SPG21: variants seen among roughly 807,000 people sequenced by gnomAD.
SPG21 encodes maspardin.
In SPG21, 26 loss-of-function variants were observed where a neutral mutation model predicts 38.9. That is an observed-to-expected ratio of 0.67 (90% CI 0.49 to 0.93). The LOEUF (loss-of-function observed/expected upper bound fraction) is 0.93, where lower values mean the gene tolerates loss of function less well. SPG21 is among the 40% of genes least tolerant of loss of function. The probability of loss-of-function intolerance (pLI) is 0.00; values close to 1 mark genes in which losing one functional copy is unlikely to be tolerated. For synonymous variants in SPG21, 136 were observed against 128.9 expected, an observed-to-expected ratio of 1.05 and a Z score of -0.37; for missense variants, 333 against 376.5, an observed-to-expected ratio of 0.88 and a Z score of 0.96.
chr15:64,968,935 TCTCA>T, intron 7 of SPG21, among the ~76,000 whole-genome samples: 1 of 152,120 alleles, frequency 6.6e-6, no homozygotes, highest in Non-Finnish European at 1.5e-5. Context: ...ACAGACAGGG[TCTCA>T]CTATGTTGCC....
At position 64,965,462 on chromosome 15, in the gene SPG21, T is replaced by C; in HGVS notation, c.670-2A>G. ...TGAAAGCGCACTCTGATCAAACACC[T>C]TTAAAAAACACAAAGCTTCAGCACC... On this transcript the variant is annotated splice_acceptor_variant, in intron 7 of 8. Coordinates refer to ENST00000204566, the MANE Select transcript of SPG21 (RefSeq NM_016630.7). LOFTEE classifies it high-confidence loss of function. The C allele has an allele frequency of 6.2e-7, 1 of 1,614,164 alleles. No homozygotes were observed. Among genetic ancestry groups the C allele is most frequent in the Non-Finnish European group, 8.5e-7 (1 of 1,180,018 alleles).
intron 7 of SPG21, among the ~76,000 whole-genome samples, chr15:64,966,028 T>C (rs564532976): frequency 1.3e-5 from 2 of 152,116 alleles, no homozygotes; most frequent in East Asian, 1.9e-4. Context: ...CTACCATGAA[T>C]TTCCTTTTTC....
chr15:64,981,706 GAC>G (rs1429978799), intron 2 of SPG21: 3 of 151,524 alleles, frequency 2.0e-5, no homozygotes, highest in African/African-American at 7.3e-5. Flanking sequence ...GCTGAGGTAA[GAC>G]AAGTGCTCAG....
At chr15:64,983,266 AT>A (rs2085918499) in intron 2 of SPG21, 1 of 191,454 alleles carries the variant, frequency 5.2e-6, no homozygotes, top group Admixed American at 5.9e-5. Context: ...CATCTCAAAA[AT>A]AAATATAAAT....
chr15:64,979,469 A>G (rs924177775), intron 3 of SPG21, among the ~76,000 whole-genome samples: 3 of 152,220 alleles, frequency 2.0e-5, no homozygotes, highest in African/African-American at 7.2e-5. Flanking sequence ...CAGAGGCTCA[A>G]ACATGTCACG....
chr15:64,967,372 C>T (rs1364635125), intron 7 of SPG21, among the ~76,000 whole-genome samples: 3 of 152,024 alleles, frequency 2.0e-5, no homozygotes, highest in Admixed American at 2.0e-4. Context: ...AACGCAGTGG[C>T]ATGATCATGG....
chr15:64,982,096 G>A (rs762838140), intron 2 of SPG21, among the ~76,000 whole-genome samples: 1 of 142,396 alleles, frequency 7.0e-6, no homozygotes, highest in African/African-American at 2.6e-5. Context: ...TCACGCTCAT[G>A]TTTTTGTCCT....
chr15:64,966,274 T>TA (rs1349022153), intron 7 of SPG21, among the ~76,000 whole-genome samples: 1 of 152,164 alleles, frequency 6.6e-6, no homozygotes, highest in African/African-American at 2.4e-5. Context: ...CATCCTTCAA[T>TA]ACCCATACAC....
intron 1 of SPG21, among the ~76,000 whole-genome samples, chr15:64,984,722 G>A (rs531823625): frequency 1.3e-5 from 2 of 151,046 alleles, no homozygotes; most frequent in South Asian, 4.2e-4. Flanking sequence ...AACTGTAATA[G>A]CACATAACCA....
chr15:64,981,162 T>C, intron 2 of SPG21, 137 bp from the exon 3 acceptor site: 1 of 989,602 alleles, frequency 1.0e-6, no homozygotes, highest in East Asian at 2.6e-5. Context: ...CACACCAGAT[T>C]AGCATGCATG....
intron 2 of SPG21, 182 bp from the exon 3 acceptor site, chr15:64,981,207 G>A: frequency 1.5e-6 from 1 of 660,576 alleles, no homozygotes; most frequent in Non-Finnish European, 2.6e-6. Context: ...TTTCCTCAGG[G>A]CTAACGTATT....
intron 5 of SPG21, among the ~76,000 whole-genome samples, chr15:64,970,560 A>G (rs2085642182): frequency 6.6e-6 from 1 of 152,142 alleles, no homozygotes; most frequent in Non-Finnish European, 1.5e-5. Context: ...GGAAAACTGA[A>G]TATTAAGAGA....
chr15:64,965,225 G>C (rs2085518499), intron 8 of SPG21, 95 bp downstream of exon 8: 14 of 1,507,270 alleles, frequency 9.3e-6, no homozygotes, highest in Admixed American at 5.2e-5. Flanking sequence ...GAATTCTGTA[G>C]TTCACTGATT....
chr15:64,970,869 A>G (rs1377316945), intron 5 of SPG21, among the ~76,000 whole-genome samples: 1 of 152,016 alleles, frequency 6.6e-6, no homozygotes, highest in Non-Finnish European at 1.5e-5. Context: ...CCTTTCGAGT[A>G]GCTGCGACTA....
rs199962191 is a variant in SPG21, at chr15:64,963,602, T to C, written c.*18A>G. 4.4e-6 allele frequency: 7 copies of C among 1,601,358 alleles called. No individual in the cohort carries two copies. The highest frequency in any genetic ancestry group is 1.3e-5 in the African/African-American group (1 of 74,690). ...AAGAACACACCGGGTCAACTCATCATTGACAGCGAGAGACACACTACTGCT... is the reference window on the plus strand; with the variant it reads ...AAGAACACACCGGGTCAACTCATCACTGACAGCGAGAGACACACTACTGCT... On this transcript the variant is annotated 3_prime_UTR_variant, in exon 9 of 9. Coordinates refer to ENST00000204566, the MANE Select transcript of SPG21 (RefSeq NM_016630.7).
rs770741924 is a variant in SPG21 at position 64,974,641 on chromosome 15, C to T, written c.413G>A (p.Ser138Asn). Residue 138 changes from serine (S) to asparagine (N), a missense_variant, in exon 5 of 9, where the codon AGT becomes AAT. Transcript: ENST00000204566. Reference protein sequence around the residue: ...VHSLILCNSFSDTSIFNQTWT... With the variant: ...VHSLILCNSFNDTSIFNQTWT... ...AGTTTGGTTGAAGATAGAGGTGTCA[C>T]TGAAGGAATTGCAGAGGATTAGGGA... The T allele has an allele frequency of 1.2e-6, 2 of 1,613,994 alleles. No homozygotes were observed.
chr15:64,977,095 C>T (rs2085792130), intron 3 of SPG21, among the ~76,000 whole-genome samples: 1 of 152,128 alleles, frequency 6.6e-6, no homozygotes, highest in Non-Finnish European at 1.5e-5. Context: ...GAGACAGAGT[C>T]TCCTCTGTTG....
intron 3 of SPG21, among the ~76,000 whole-genome samples, chr15:64,978,271 A>G (rs1287911822): frequency 6.7e-6 from 1 of 149,950 alleles, no homozygotes; most frequent in Non-Finnish European, 1.5e-5. Context: ...AACATGGTGA[A>G]ACCCCATCTC....
intron 1 of SPG21, among the ~76,000 whole-genome samples, chr15:64,986,636 C>T (rs1402044596): frequency 6.7e-6 from 1 of 150,066 alleles, no homozygotes; most frequent in Non-Finnish European, 1.5e-5. Flanking sequence ...TGCAGTGAGC[C>T]AAGACTGCAC....
Sources: gnomAD v4.1 joint callset for allele counts (sites outside exome capture counted in the v4.1 genomes callset) on GRCh38, gnomAD v4.1.1 for gene constraint, MANE v1.5 for transcripts, NCBI Gene and HGNC (gene_info 2026-07-23, HGNC 2026-07-21) for gene names.